LAMP5: variants seen among roughly 807,000 people sequenced by gnomAD.
The protein encoded by LAMP5 is lysosome-associated membrane glycoprotein 5.
A neutral mutation model predicts 30.2 loss-of-function variants in LAMP5; 36 were observed. The ratio of observed to expected loss-of-function variants is 1.19; its 90% CI spans 0.91 to 1.57. The LOEUF is 1.57. LAMP5 is among the 40% of genes most tolerant of loss of function. LAMP5 has a pLI of 0.00. For synonymous variants in LAMP5, 149 were observed against 134.6 expected, an observed-to-expected ratio of 1.11 and a Z score of -0.74; for missense variants, 377 against 354.9, an observed-to-expected ratio of 1.06 and a Z score of -0.50.
In LAMP5 at chr20:9,530,430, A is replaced by G. The variant is rs1183262288; in HGVS notation, c.*610A>G. 2 of 152,626 alleles carry G rather than the reference A, an allele frequency of 1.3e-5. No homozygotes were observed. Among genetic ancestry groups the G allele is most frequent in the African/African-American group, 4.8e-5 (2 of 41,444 alleles). The allele number at this position is 152,626 out of a possible 1,614,324, so 9.5% of individuals were successfully genotyped here. ...AATGTAACTATGCAGAGTTGTTTGG[A>G]CTTCTTCCTGTGCCAGGTCCAAGTC... On this transcript the variant is annotated 3_prime_UTR_variant, in exon 6 of 6. Transcript: ENST00000246070.
chr20:9,524,267 C>T (rs527633316), intron 5 of LAMP5, among the ~76,000 whole-genome samples: 4 of 151,974 alleles, frequency 2.6e-5, no homozygotes, highest in South Asian at 2.1e-4. Flanking sequence ...AACATTATTC[C>T]GAGAAGGGGT....
chr20:9,519,339 A>T (rs1042135788), intron 5 of LAMP5, among the ~76,000 whole-genome samples: 14 of 152,216 alleles, frequency 9.2e-5, no homozygotes, highest in Admixed American at 6.5e-4. Context: ...GTCATCTATG[A>T]TCATTTTCCA....
intron 5 of LAMP5, among the ~76,000 whole-genome samples, chr20:9,519,298 A>G (rs2045064187): frequency 6.6e-6 from 1 of 152,192 alleles, no homozygotes; most frequent in African/African-American, 2.4e-5. Flanking sequence ...AACAATGCCA[A>G]TGTTCAGGAT....
At position 9,526,767 on chromosome 20, in the gene LAMP5, A is replaced by G. The variant is rs1027235384; in HGVS notation, c.665-2875A>G. ...CCTTAACATTTCTCTACCATTTGCC[A>G]AACTATCTTTTAAAAAAGCTATTTC... is the stretch of plus-strand genomic sequence containing the variant. On this transcript the variant is annotated intron_variant, in intron 5 of 5. Transcript: ENST00000246070. Among the ~76,000 whole-genome samples, 3 of 148,404 alleles carry G rather than the reference A, an allele frequency of 2.0e-5. No individual in the cohort carries two copies. The South Asian group carries it at 6.4e-4, about 32-fold the overall frequency.
rs2045036329 is a variant in LAMP5, at chr20:9,516,086, G to T, written c.324G>T (p.Val108=). Residue 108 remains valine, a synonymous_variant, in exon 3 of 6, where the codon GTG becomes GTT. Coordinates refer to ENST00000246070, the MANE Select transcript of LAMP5 (RefSeq NM_012261.4). Reference sequence around the variant, plus strand: ...GCCACAGCCAGTCGGAGCTGCAAGTGTTCTGGGTGGATCGCGCATATGCAC... The same window carrying T: ...GCCACAGCCAGTCGGAGCTGCAAGTTTTCTGGGTGGATCGCGCATATGCAC... ...RCGHSQSELQ[V]FWVDRAYALK... 2.6e-6 allele frequency: 4 copies of T among 1,552,282 alleles called. No homozygotes were observed. In the East Asian group the frequency reaches 9.0e-5, roughly 35 times the overall value.
intron 5 of LAMP5, among the ~76,000 whole-genome samples, chr20:9,525,605 T>C (rs2045107094): frequency 6.6e-6 from 1 of 152,246 alleles, no homozygotes; most frequent in Non-Finnish European, 1.5e-5. Context: ...TATATCTCTA[T>C]TTCTACAGCT....
chr20:9,528,864 T>C (rs756845480), intron 5 of LAMP5, among the ~76,000 whole-genome samples: 8 of 152,242 alleles, frequency 5.3e-5, no homozygotes, highest in Non-Finnish European at 1.2e-4. Flanking sequence ...ACACTCCTTG[T>C]GTCTGGCAAT....
intron 5 of LAMP5, among the ~76,000 whole-genome samples, chr20:9,526,881 T>G (rs61659776): frequency 8.6e-6 from 1 of 116,426 alleles, no homozygotes; most frequent in Non-Finnish European, 1.8e-5. Flanking sequence ...TATATATATA[T>G]ATATATATAT....
At chr20:9,516,983 T>C (rs1030788165) in intron 4 of LAMP5, among the ~76,000 whole-genome samples, 1 of 152,208 alleles carries the variant, frequency 6.6e-6, no homozygotes, top group African/African-American at 2.4e-5. Context: ...TATTCCTATC[T>C]GCAGACACCG....
Position 9,530,224 on chromosome 20 carries a change from T to G in LAMP5, c.*404T>G, listed in dbSNP as rs2045141484. On this transcript the variant is annotated 3_prime_UTR_variant, in exon 6 of 6. Transcript: ENST00000246070. The stretch of plus-strand genomic sequence containing the variant: ...AAGAATATGGGGTGCTTTGCTCCCT[T>G]GGACACAGCTGGCTTATCCTATACA... 1 of 174,218 alleles carries G rather than the reference T, an allele frequency of 5.7e-6. No homozygotes were observed. The highest frequency in any genetic ancestry group is 1.3e-5 in the Non-Finnish European group (1 of 79,888). 10.8% of individuals were successfully genotyped at this position (174,218 alleles called of 1,614,324 possible). A position where few individuals can be genotyped will look rare whatever the true frequency, so the allele number is the denominator to read the frequency against.
chr20:9,516,602 C>T (rs919920703), intron 4 of LAMP5, among the ~76,000 whole-genome samples: 2 of 152,078 alleles, frequency 1.3e-5, no homozygotes, highest in African/African-American at 4.8e-5. Context: ...GTGGCCTGAT[C>T]CTAGATAAGA....
intron 5 of LAMP5, among the ~76,000 whole-genome samples, chr20:9,520,872 A>G (rs756114291): frequency 4.6e-5 from 7 of 152,138 alleles, no homozygotes; most frequent in African/African-American, 9.7e-5. Flanking sequence ...CTGACCCCCA[A>G]ACAAAACTCT....
chr20:9,529,605 G>T (rs772308307), intron 5 of LAMP5, 37 bp from the exon 6 acceptor site: 3 of 1,593,642 alleles, frequency 1.9e-6, no homozygotes, highest in South Asian at 2.2e-5. Context: ...AGGATGTTTT[G>T]ACCAGAGCTC....
intron 4 of LAMP5, among the ~76,000 whole-genome samples, chr20:9,517,765 T>C (rs565251626): frequency 5.3e-5 from 8 of 152,250 alleles, no homozygotes; most frequent in African/African-American, 1.9e-4. Context: ...CAGCCTAGGT[T>C]TTATACAGTA....
At position 9,515,512 on chromosome 20, in the gene LAMP5, A is replaced by C; in HGVS notation, c.124A>C (p.Asn42His). Reference sequence around the variant, plus strand: ...GGAAAATCTCTCAGGCCTTTCCACTAACCCTGAAAAAGATATATTTGTGGT... The same window carrying C: ...GGAAAATCTCTCAGGCCTTTCCACTCACCCTGAAAAAGATATATTTGTGGT... ...EVENLSGLST[N>H]PEKDIFVVRE... Residue 42 changes from asparagine to histidine, a missense_variant, in exon 2 of 6, where the codon AAC becomes CAC. Transcript: ENST00000246070. 1 of 1,614,186 alleles carries C rather than the reference A, an allele frequency of 6.2e-7. No homozygotes were observed.
At chr20:9,527,426 G>T (rs6056670) in intron 5 of LAMP5, among the ~76,000 whole-genome samples, 28,279 of 147,830 alleles carry the variant, frequency 0.19, 3,210 homozygotes, top group African/African-American at 0.34. Context: ...ATCAAAGGCT[G>T]TATATGTGAA....
At chr20:9,523,820 C>T (rs771453399) in intron 5 of LAMP5, among the ~76,000 whole-genome samples, 34 of 152,100 alleles carry the variant, frequency 2.2e-4, no homozygotes, top group Non-Finnish European at 3.7e-4. Flanking sequence ...TTCTCCCTGG[C>T]GGAAGTCAGA....
rs2045036911 is a variant in LAMP5 at position 9,516,122 on chromosome 20, C to G, written c.360C>G (p.Leu120=). 6.4e-7 allele frequency: 1 copy of G among 1,555,790 alleles called. No homozygotes were observed. The highest frequency in any genetic ancestry group is 1.8e-4 in the Middle Eastern group (1 of 5,708). The change falls in exon 3 of 6, where the codon CTC becomes CTG. Residue 120 remains leucine, a synonymous_variant. Transcript: ENST00000246070. Reference sequence around the variant, plus strand: ...ATCGCGCATATGCACTCAAAATGCTCTTTGTAAAGGTAACTCCGAGCCCAG... The same window carrying G: ...ATCGCGCATATGCACTCAAAATGCTGTTTGTAAAGGTAACTCCGAGCCCAG... ...WVDRAYALKM[L]FVKESHNMSK...
At chr20:9,523,418 C>T (rs886571830) in intron 5 of LAMP5, among the ~76,000 whole-genome samples, 6 of 152,012 alleles carry the variant, frequency 3.9e-5, no homozygotes, top group South Asian at 4.2e-4. Context: ...TGCAATGAAG[C>T]GCTCTTGTAG....
Sources: gnomAD v4.1 joint callset for allele counts (sites outside exome capture counted in the v4.1 genomes callset) on GRCh38, gnomAD v4.1.1 for gene constraint, MANE v1.5 for transcripts, NCBI Gene and HGNC (gene_info 2026-07-23, HGNC 2026-07-21) for gene names.